The following TBC1D14 variants were observed in gnomAD, a reference collection of about 807,000 sequenced individuals.
The protein encoded by TBC1D14 is TBC1 domain family member 14.
TBC1D14 carries 26 observed loss-of-function variants against 79.0 expected under a neutral mutation model. That is an observed-to-expected ratio of 0.33 (90% CI 0.24 to 0.46). The LOEUF (loss-of-function observed/expected upper bound fraction) is 0.46, where lower values mean the gene tolerates loss of function less well. TBC1D14 is among the 20% of genes least tolerant of loss of function. The probability of loss-of-function intolerance (pLI) is 1.00; values close to 1 mark genes in which losing one functional copy is unlikely to be tolerated. For missense variants in TBC1D14, 769 were observed against 887.6 expected, an observed-to-expected ratio of 0.87 and a Z score of 1.70; for synonymous variants, 394 against 349.9, an observed-to-expected ratio of 1.13 and a Z score of -1.40.
chr4:6,958,376 T>TACACACACACACACACACACACACAC (rs60999179), intron 2 of TBC1D14, among the ~76,000 whole-genome samples: 106 of 149,212 alleles, frequency 7.1e-4, no homozygotes, highest in African/African-American at 2.4e-3. Flanking sequence ...TCCCCACATA[T>TACACACACACACACACACACACACAC]ACACACACAC....
At chr4:6,985,108 T>A (rs573630281) in intron 3 of TBC1D14, among the ~76,000 whole-genome samples, 16 of 152,312 alleles carry the variant, frequency 1.1e-4, no homozygotes, top group African/African-American at 1.9e-4. Flanking sequence ...CTCTATTTTT[T>A]AAAAAATTGA....
chr4:6,933,418 C>T (rs1711986289), intron 2 of TBC1D14, among the ~76,000 whole-genome samples: 1 of 151,158 alleles, frequency 6.6e-6, no homozygotes, highest in Non-Finnish European at 1.5e-5. Context: ...CATCCTTGCA[C>T]CTCAGCCTCT....
intron 9 of TBC1D14, among the ~76,000 whole-genome samples, chr4:7,007,046 C>G (rs1188184253): frequency 2.0e-5 from 3 of 152,152 alleles, no homozygotes; most frequent in Non-Finnish European, 4.4e-5. Flanking sequence ...CTTTCTTGGA[C>G]ACTCCTCTGC....
intron 1 of TBC1D14, among the ~76,000 whole-genome samples, chr4:6,923,171 C>T (rs1274674543): frequency 1.3e-5 from 2 of 152,228 alleles, no homozygotes; most frequent in Non-Finnish European, 2.9e-5. Flanking sequence ...CACTGCCCTC[C>T]AGCCTGGGCG....
chr4:6,998,643 A>G (rs1719325898), intron 5 of TBC1D14: 1 of 159,228 alleles, frequency 6.3e-6, no homozygotes, highest in Non-Finnish European at 1.4e-5. Context: ...GATTCAAGCA[A>G]TTCTCCTACC....
Position 7,009,240 on chromosome 4 carries a change from G to A in TBC1D14, c.1447-637G>A, listed in dbSNP as rs78046753. Among the ~76,000 whole-genome samples the A allele has an allele frequency of 2.0e-4, 30 of 152,330 alleles. 1 individual carries two copies. The East Asian group carries it at 2.5e-3, about 13-fold the overall frequency. On this transcript the variant is annotated intron_variant, in intron 9 of 13. Transcript: ENST00000409757. ...TATCTTCTCACATGCTAACTTCAGC[G>A]TGAGGCATCTCTGCACTTTCTTCTG...
At chr4:7,003,172 C>A (rs1719839450) in intron 7 of TBC1D14, among the ~76,000 whole-genome samples, 1 of 152,200 alleles carries the variant, frequency 6.6e-6, no homozygotes, top group Non-Finnish European at 1.5e-5. Context: ...TGGTAGCTGT[C>A]CAGCCTCCAG....
chr4:7,002,940 C>T (rs950664083), intron 7 of TBC1D14, among the ~76,000 whole-genome samples: 8 of 152,138 alleles, frequency 5.3e-5, no homozygotes, highest in African/African-American at 1.7e-4. Flanking sequence ...GGACTGTGCC[C>T]AGGTCTCTGG....
intron 1 of TBC1D14, among the ~76,000 whole-genome samples, chr4:6,914,453 T>C (rs1723235371): frequency 6.6e-6 from 1 of 152,220 alleles, no homozygotes; most frequent in Non-Finnish European, 1.5e-5. Context: ...TTTTCCATTT[T>C]ACATAATGCA....
At chr4:6,933,133 G>C (rs1184637550) in intron 2 of TBC1D14, among the ~76,000 whole-genome samples, 1 of 151,448 alleles carries the variant, frequency 6.6e-6, no homozygotes, top group South Asian at 2.1e-4. Context: ...CAGCAACAAG[G>C]CTTCTTTTGT....
intron 1 of TBC1D14, among the ~76,000 whole-genome samples, chr4:6,917,728 C>T (rs1723513625): frequency 6.6e-6 from 1 of 152,100 alleles, no homozygotes; most frequent in African/African-American, 2.4e-5. Flanking sequence ...TGGAGGCAGG[C>T]CATCTGCAGT....
intron 2 of TBC1D14, among the ~76,000 whole-genome samples, chr4:6,946,991 T>C (rs1389366134): frequency 6.6e-6 from 1 of 152,206 alleles, no homozygotes; most frequent in Non-Finnish European, 1.5e-5. Context: ...TAAGAATAAA[T>C]TAGTATTTTT....
chr4:6,977,628 A>G (rs1467335197), intron 3 of TBC1D14, among the ~76,000 whole-genome samples: 2 of 135,952 alleles, frequency 1.5e-5, no homozygotes, highest in African/African-American at 2.9e-5. Context: ...CCCAGTCTGG[A>G]AAGTGAGGAG....
chr4:6,937,354 G>GT (rs1278356612), intron 2 of TBC1D14, among the ~76,000 whole-genome samples: 3 of 152,210 alleles, frequency 2.0e-5, no homozygotes, highest in Non-Finnish European at 2.9e-5. Flanking sequence ...TGTTGAACAT[G>GT]TTTTTTTATA....
intron 2 of TBC1D14, among the ~76,000 whole-genome samples, chr4:6,941,941 A>G (rs1050877348): frequency 6.6e-6 from 1 of 152,188 alleles, no homozygotes; most frequent in African/African-American, 2.4e-5. Context: ...GTGGCGATTC[A>G]GTATGAAATG....
chr4:6,924,216 CA>C, intron 2 of TBC1D14, 105 bp downstream of exon 2: 1 of 1,393,566 alleles, frequency 7.2e-7, no homozygotes, highest in Non-Finnish European at 9.5e-7. Flanking sequence ...GTTAGGCAGG[CA>C]CTGTCTCACA....
intron 3 of TBC1D14, among the ~76,000 whole-genome samples, chr4:6,988,857 ACTTT>A (rs1358708061): frequency 7.4e-6 from 1 of 134,518 alleles, no homozygotes; most frequent in Admixed American, 7.3e-5. Flanking sequence ...TACCAGGAGT[ACTTT>A]CTTTTTTCTT....
intron 3 of TBC1D14, among the ~76,000 whole-genome samples, chr4:6,991,468 T>C (rs1474290862): frequency 6.6e-6 from 1 of 152,192 alleles, no homozygotes; most frequent in African/African-American, 2.4e-5. Context: ...ACAGCAGCCC[T>C]TGTTGGTCTG....
intron 13 of TBC1D14, 33 bp downstream of exon 13, chr4:7,025,295 G>T (rs1339983056): frequency 6.2e-7 from 1 of 1,612,094 alleles, no homozygotes; most frequent in Admixed American, 1.7e-5. Context: ...GCTTCCCACA[G>T]CGTAGCCGGC....
Sources: gnomAD v4.1 joint callset for allele counts (sites outside exome capture counted in the v4.1 genomes callset) on GRCh38, gnomAD v4.1.1 for gene constraint, MANE v1.5 for transcripts, NCBI Gene and HGNC (gene_info 2026-07-23, HGNC 2026-07-21) for gene names.